The following PUDP variants were observed in gnomAD, a reference collection of about 807,000 sequenced individuals.
PUDP encodes the protein pseudouridine 5'-phosphatase.
A neutral mutation model predicts 9.4 loss-of-function variants in PUDP; 8 were observed. That is an observed-to-expected ratio of 0.85 (90% CI 0.50 to 1.53). The LOEUF (loss-of-function observed/expected upper bound fraction) is 1.53, where lower values mean the gene tolerates loss of function less well. Among genes scored for constraint, PUDP ranks in the 40% most tolerant of loss-of-function variants. The pLI is 0.00. For missense variants in PUDP, 188 were observed against 189.7 expected (o/e 0.99, Z 0.05); for synonymous variants, 99 against 80.7 (o/e 1.23, Z -1.22).
chrX:7,131,258 T>C (rs1255413615), intron 1 of PUDP, among the ~76,000 whole-genome samples: 2 of 112,069 alleles, frequency 1.8e-5, no homozygotes, highest in African/African-American at 6.5e-5. Context: ...GCCACTTTTC[T>C]TCCTTTCATT....
chrX:6,994,843 G>A (rs1022787360), intron 1 of PUDP, among the ~76,000 whole-genome samples: 11 of 111,532 alleles, frequency 9.9e-5, no homozygotes, highest in Non-Finnish European at 2.1e-4. Context: ...CTAACTGTGA[G>A]CTATGTCATG....
intron 3 of PUDP, among the ~76,000 whole-genome samples, chrX:6,896,637 T>C (rs764505006): frequency 1.5e-4 from 16 of 106,632 alleles, no homozygotes; most frequent in East Asian, 9.0e-4. Flanking sequence ...AGCCAGGAGC[T>C]CCCTTCACCT....
chrX:7,039,046 C>G (rs1406774265), intron 1 of PUDP, among the ~76,000 whole-genome samples: 2 of 111,220 alleles, frequency 1.8e-5, no homozygotes, highest in African/African-American at 6.5e-5. Flanking sequence ...GCTCCTGCAT[C>G]AGCCTCCTGA....
intron 3 of PUDP, among the ~76,000 whole-genome samples, chrX:6,800,063 C>T (rs948268308): frequency 2.0e-4 from 22 of 111,610 alleles, no homozygotes; most frequent in African/African-American, 6.5e-4. Flanking sequence ...CAGACCCGAG[C>T]TACTTAACTA....
chrX:6,787,214 T>G (rs745387933), intron 3 of PUDP, among the ~76,000 whole-genome samples: 36 of 111,804 alleles, frequency 3.2e-4, no homozygotes, highest in African/African-American at 1.2e-3. Flanking sequence ...GAATCTTGAA[T>G]AGCCTAAAAA....
At chrX:6,796,892 T>C (rs903088499) in intron 3 of PUDP, among the ~76,000 whole-genome samples, 2 of 112,004 alleles carry the variant, frequency 1.8e-5, no homozygotes, top group Admixed American at 9.5e-5. Flanking sequence ...AAAGTATGTA[T>C]CCAGATTGCC....
intron 3 of PUDP, among the ~76,000 whole-genome samples, chrX:6,856,093 T>C (rs1225437035): frequency 1.8e-5 from 2 of 111,321 alleles, no homozygotes; most frequent in African/African-American, 6.5e-5. Context: ...AAGATAAACT[T>C]GTCTACTTTC....
At chrX:6,969,442 C>A (rs1331548222) in intron 3 of PUDP, among the ~76,000 whole-genome samples, 4 of 112,160 alleles carry the variant, frequency 3.6e-5, no homozygotes, top group Admixed American at 2.8e-4. Context: ...AAAGGTAGAT[C>A]TCTTATGTTT....
At chrX:6,960,459 C>G (rs764360498) in intron 3 of PUDP, among the ~76,000 whole-genome samples, 6 of 111,854 alleles carry the variant, frequency 5.4e-5, no homozygotes, top group East Asian at 2.8e-4. Context: ...CCCTCTTTGC[C>G]CTTTCACTTT....
rs779510662 is a variant in PUDP at position 6,905,170 on chromosome X, C to T, written c.*247+71963G>A. Among the ~76,000 whole-genome samples the T allele has an allele frequency of 1.1e-4, 12 of 111,918 alleles. No homozygotes were observed. The South Asian group carries it at 2.2e-3, about 21-fold the overall frequency. ...AACTTGGATATTGAATCCTACAACT[C>T]TGTTTCTTAGAAAAATGTTGGATCT... On this transcript the variant is annotated intron_variant and NMD_transcript_variant, in intron 3 of 3. Transcript: ENST00000655425.
At chrX:6,995,516 G>A (rs1015235768) in intron 1 of PUDP, among the ~76,000 whole-genome samples, 1 of 110,814 alleles carries the variant, frequency 9.0e-6, no homozygotes, top group African/African-American at 3.3e-5. Context: ...TTGAGTCCAG[G>A]AGTTCGAGAC....
chrX:7,099,976 C>T (rs1481266151), intron 2 of PUDP, among the ~76,000 whole-genome samples: 1 of 109,145 alleles, frequency 9.2e-6, no homozygotes, highest in African/African-American at 3.4e-5. Context: ...CAGGCTGATT[C>T]CCTGGTGACT....
At chrX:6,780,533 T>G (rs1372258880) in intron 3 of PUDP, among the ~76,000 whole-genome samples, 1 of 111,514 alleles carries the variant, frequency 9.0e-6, no homozygotes, top group Non-Finnish European at 1.9e-5. Flanking sequence ...ACAGGCTTCA[T>G]GGTTTGCATG....
chrX:6,792,173 G>A (rs190184019), intron 3 of PUDP, among the ~76,000 whole-genome samples: 1 of 110,241 alleles, frequency 9.1e-6, no homozygotes, highest in African/African-American at 3.3e-5. Context: ...ACAAGGAGGG[G>A]GAAAATAATG....
At chrX:6,916,223 CACACACACACACACACACACACA>C (rs1927928018) in intron 3 of PUDP, among the ~76,000 whole-genome samples, 1 of 104,563 alleles carries the variant, frequency 9.6e-6, no homozygotes, top group African/African-American at 3.6e-5. Context: ...CACACACACA[CACACACACACACACACACACACA>C]CACCCTGGGG....
intron 3 of PUDP, among the ~76,000 whole-genome samples, chrX:6,947,004 T>G (rs981977603): frequency 9.5e-6 from 1 of 105,524 alleles, no homozygotes; most frequent in East Asian, 2.9e-4. Context: ...TTTGTTTGTT[T>G]TTTTTTTTTT....
Position 6,988,752 on chromosome X carries a change from T to C in PUDP, c.205-10409A>G, listed in dbSNP as rs189775284. Among the ~76,000 whole-genome samples, 109 of 111,364 alleles carry C rather than the reference T, an allele frequency of 9.8e-4. 1 individual carries two copies. The highest frequency in any genetic ancestry group is 3.4e-3 in the African/African-American group (103 of 30,636). On this transcript the variant is annotated intron_variant and NMD_transcript_variant, in intron 1 of 3. Coordinates refer to the PUDP transcript ENST00000655425. Reference sequence around the variant, plus strand: ...AGTTTCTTCAGACCCCCAATAAAACTGTTTAATCCTAAAAGGGTCCTGTTA... The same window carrying C: ...AGTTTCTTCAGACCCCCAATAAAACCGTTTAATCCTAAAAGGGTCCTGTTA...
chrX:6,982,023 TAC>T (rs59016698), intron 1 of PUDP, among the ~76,000 whole-genome samples: 2,679 of 86,608 alleles, frequency 0.031, 37 homozygotes, highest in Middle Eastern at 0.051. Context: ...AACTTATGGA[TAC>T]ACACACACAC....
intron 1 of PUDP, among the ~76,000 whole-genome samples, chrX:7,028,457 G>T (rs1410175560): frequency 9.0e-6 from 1 of 111,444 alleles, no homozygotes; most frequent in African/African-American, 3.3e-5. Context: ...GAGAGGCCCC[G>T]ACTCATCCAG....
Sources: gnomAD v4.1 joint callset for allele counts (sites outside exome capture counted in the v4.1 genomes callset) on GRCh38, gnomAD v4.1.1 for gene constraint, MANE v1.5 for transcripts, NCBI Gene and HGNC (gene_info 2026-07-23, HGNC 2026-07-21) for gene names.